Variants in CDC14B observed in about 807,000 individuals in gnomAD.
The protein encoded by CDC14B is dual specificity protein phosphatase CDC14B.
Under a neutral mutation model 64.2 loss-of-function variants are expected in CDC14B, and 22 were observed. That is an observed-to-expected ratio of 0.34 (90% confidence interval 0.24 to 0.49). CDC14B has a LOEUF of 0.49. Among genes scored for constraint, CDC14B ranks in the 20% least tolerant of loss-of-function variants. The pLI is 0.99. For synonymous variants in CDC14B, 191 were observed against 215.8 expected (o/e 0.89, Z 1.01); for missense variants, 498 against 629.9 (o/e 0.79, Z 2.24).
intron 3 of CDC14B, among the ~76,000 whole-genome samples, chr9:96,564,410 C>A (rs1350169603): frequency 6.6e-6 from 1 of 152,122 alleles, no homozygotes; most frequent in Non-Finnish European, 1.5e-5. Context: ...CACTCCCCAT[C>A]AAAATGAAGG....
chr9:96,498,055 A>G (rs1022497751), downstream of CDC14B, among the ~76,000 whole-genome samples: 1 of 152,240 alleles, frequency 6.6e-6, no homozygotes, highest in Non-Finnish European at 1.5e-5. Context: ...TCTGCAGAAC[A>G]CGGATGCAGT....
At chr9:96,565,585 TC>T in intron 1 of CDC14B, 102 bp from the exon 2 acceptor site, 1 of 812,236 alleles carries the variant, frequency 1.2e-6, no homozygotes, top group Non-Finnish European at 2.2e-6. Flanking sequence ...TTCATTTTTT[TC>T]ATGCACGTTT....
chr9:96,575,627 C>T (rs1844755001), intron 1 of CDC14B, among the ~76,000 whole-genome samples: 1 of 151,948 alleles, frequency 6.6e-6, no homozygotes, highest in Non-Finnish European at 1.5e-5. Context: ...GGAATAAGTC[C>T]AAACATATGA....
At chr9:96,521,515 C>A (rs1385668998) in intron 12 of CDC14B, among the ~76,000 whole-genome samples, 1 of 152,226 alleles carries the variant, frequency 6.6e-6, no homozygotes, top group African/African-American at 2.4e-5. Context: ...AAACTCAATT[C>A]TTTGCCTTGG....
intron 12 of CDC14B, among the ~76,000 whole-genome samples, chr9:96,510,611 T>C (rs1024662422): frequency 6.6e-6 from 1 of 150,882 alleles, no homozygotes; most frequent in Admixed American, 6.6e-5. Context: ...TGCAATTCTT[T>C]TTTTTTTTTT....
intron 3 of CDC14B, among the ~76,000 whole-genome samples, chr9:96,564,473 T>C (rs1376711380): frequency 6.6e-6 from 1 of 152,152 alleles, no homozygotes; most frequent in Non-Finnish European, 1.5e-5. Context: ...TAAGTTTCAG[T>C]TCTATTAGGT....
At chr9:96,527,664 G>A (rs575945464) in intron 9 of CDC14B, among the ~76,000 whole-genome samples, 8 of 151,456 alleles carry the variant, frequency 5.3e-5, no homozygotes, top group Middle Eastern at 3.4e-3. Flanking sequence ...CGCCCAGGCC[G>A]GAGTGCAATG....
chr9:96,549,465 G>A (rs1465875838), intron 5 of CDC14B, among the ~76,000 whole-genome samples: 3 of 152,006 alleles, frequency 2.0e-5, no homozygotes, highest in African/African-American at 4.8e-5. Flanking sequence ...AAGAGATCAA[G>A]ACATCCTGGC....
intron 1 of CDC14B, among the ~76,000 whole-genome samples, chr9:96,603,198 A>T (rs1230422585): frequency 6.6e-6 from 1 of 152,036 alleles, no homozygotes; most frequent in East Asian, 1.9e-4. Context: ...ACACAAATAC[A>T]CAAAACATCT....
At chr9:96,583,229 G>A (rs1438645931) in intron 1 of CDC14B, among the ~76,000 whole-genome samples, 2 of 151,952 alleles carry the variant, frequency 1.3e-5, no homozygotes, top group Non-Finnish European at 2.9e-5. Flanking sequence ...ATGCAGATTT[G>A]TCTAAAATAT....
intron 1 of CDC14B, among the ~76,000 whole-genome samples, chr9:96,611,102 A>G (rs1412627808): frequency 1.3e-5 from 2 of 151,868 alleles, no homozygotes; most frequent in Non-Finnish European, 2.9e-5. Flanking sequence ...AAAAAAAAAA[A>G]AGAGAGAGAG....
chr9:96,516,779 AT>A (rs1835733252), intron 12 of CDC14B, among the ~76,000 whole-genome samples: 1 of 151,712 alleles, frequency 6.6e-6, no homozygotes, highest in African/African-American at 2.4e-5. Flanking sequence ...CCTGAGCTCT[AT>A]TTTATTATTT....
intron 9 of CDC14B, among the ~76,000 whole-genome samples, chr9:96,524,242 AC>A (rs1211235349): frequency 1.3e-5 from 2 of 152,202 alleles, no homozygotes; most frequent in African/African-American, 4.8e-5. Flanking sequence ...GCCTGGCCTT[AC>A]GCCAAGAATT....
intron 5 of CDC14B, among the ~76,000 whole-genome samples, chr9:96,542,884 C>G (rs1210497678): frequency 6.6e-6 from 1 of 151,914 alleles, no homozygotes; most frequent in African/African-American, 2.4e-5. Flanking sequence ...TGGTGGGCGC[C>G]TGTAATCCCA....
chr9:96,596,837 C>T (rs947207268), intron 1 of CDC14B, among the ~76,000 whole-genome samples: 3 of 146,304 alleles, frequency 2.1e-5, no homozygotes, highest in Admixed American at 6.9e-5. Flanking sequence ...CCAGCCTGGA[C>T]GGCAGATGGA....
At chr9:96,579,423 C>A (rs899476466) in intron 1 of CDC14B, among the ~76,000 whole-genome samples, 9 of 151,562 alleles carry the variant, frequency 5.9e-5, no homozygotes, top group Non-Finnish European at 1.2e-4. Flanking sequence ...CCGTCTCTAC[C>A]AAAAATACAA....
chr9:96,529,067 T>C (rs780391032), intron 9 of CDC14B, among the ~76,000 whole-genome samples: 5 of 152,240 alleles, frequency 3.3e-5, no homozygotes, highest in East Asian at 1.9e-4. Flanking sequence ...GCTGATAGTA[T>C]ACTTTGATGC....
chr9:96,552,415 G>C (rs923109477), intron 4 of CDC14B, among the ~76,000 whole-genome samples: 2 of 152,168 alleles, frequency 1.3e-5, no homozygotes, highest in African/African-American at 4.8e-5. Flanking sequence ...GCTATGCTTT[G>C]ACTTTAACCT....
At chr9:96,607,479 G>A (rs1847041557) in intron 1 of CDC14B, among the ~76,000 whole-genome samples, 2 of 144,778 alleles carry the variant, frequency 1.4e-5, no homozygotes, top group Admixed American at 1.4e-4. Flanking sequence ...GGAGTGCAGT[G>A]GTGCCATCTC....
Sources: allele counts gnomAD v4.1 joint callset (sites outside exome capture counted in the v4.1 genomes callset), GRCh38; gene constraint gnomAD v4.1.1; transcripts MANE v1.5; gene names NCBI Gene and HGNC (gene_info 2026-07-23, HGNC 2026-07-21).